The following TRAK1 variants were observed in gnomAD, a reference collection of about 807,000 sequenced individuals.
The protein encoded by TRAK1 is trafficking kinesin-binding protein 1.
Under a neutral mutation model 92.1 loss-of-function variants are expected in TRAK1, and 33 were observed. That is an observed-to-expected ratio of 0.36 (90% CI 0.27 to 0.48). The LOEUF is 0.48. Ranked by LOEUF, TRAK1 falls within the 20% of genes least tolerant of loss-of-function variation. TRAK1 has a pLI of 0.99. For missense variants in TRAK1, 1,123 were observed against 1,257.9 expected (o/e 0.89, Z 1.62); for synonymous variants, 521 against 517.3 (o/e 1.01, Z -0.10).
At chr3:42,088,696 C>T (rs1248736457), upstream of TRAK1, among the ~76,000 whole-genome samples, 1 of 152,188 alleles carries the variant, frequency 6.6e-6, no homozygotes, top group Non-Finnish European at 1.5e-5. Flanking sequence ...CTGTCCTCTG[C>T]CTTCACCTTA....
At chr3:42,058,226 G>A (rs911365698) in intron 1 of TRAK1, among the ~76,000 whole-genome samples, 1 of 152,176 alleles carries the variant, frequency 6.6e-6, no homozygotes, top group Non-Finnish European at 1.5e-5. Flanking sequence ...GGAGATTGAC[G>A]AAGACAAGGT....
In TRAK1 at chr3:42,104,929, A is replaced by G. The variant is rs1198201209; in HGVS notation, c.91+13369A>G. 2.0e-5 allele frequency among the ~76,000 whole-genome samples: 3 copies of G among 150,636 alleles called. No homozygotes were observed. The Admixed American group carries it at 2.0e-4, about 10-fold the overall frequency. Reference sequence around the variant, plus strand: ...AAGCTAAAGGAGGATGTTCAAACCCATTGCAAAGAAGCTAAAAATCTTTTT... The same window carrying G: ...AAGCTAAAGGAGGATGTTCAAACCCGTTGCAAAGAAGCTAAAAATCTTTTT... On this transcript the variant is annotated intron_variant, in intron 1 of 15. Transcript: ENST00000327628.
chr3:42,104,032 G>A (rs1707178297), intron 1 of TRAK1, among the ~76,000 whole-genome samples: 2 of 152,220 alleles, frequency 1.3e-5, no homozygotes, highest in South Asian at 4.1e-4. Flanking sequence ...TCCTGCGCCT[G>A]GCTTGGAGGG....
chr3:42,186,990 T>C (rs1458570874), intron 4 of TRAK1, among the ~76,000 whole-genome samples: 1 of 152,218 alleles, frequency 6.6e-6, no homozygotes, highest in Admixed American at 6.5e-5. Flanking sequence ...ATAGCACTGG[T>C]TCCCTATTCT....
At chr3:42,222,718 G>A (rs1710479499) in intron 15 of TRAK1, among the ~76,000 whole-genome samples, 1 of 152,110 alleles carries the variant, frequency 6.6e-6, no homozygotes, top group Non-Finnish European at 1.5e-5. Context: ...ACCAGGGATG[G>A]GCAAAGGGGA....
At chr3:42,041,823 C>T (rs35688851) in intron 1 of TRAK1, among the ~76,000 whole-genome samples, 1 of 147,104 alleles carries the variant, frequency 6.8e-6, no homozygotes, top group Non-Finnish European at 1.5e-5. Flanking sequence ...GAGACGGAGT[C>T]TCGCTCTGCC....
rs561214634 is a variant in TRAK1 at position 42,219,635 on chromosome 3, G to T, written c.2066+39G>T. ...GCTTTGGGGTGGGCAGGGGTGGGGT[G>T]AAGTCAGGGCACTCCCTTCCCTGCA... On this transcript the variant is annotated intron_variant, in intron 15 of 15. Coordinates refer to ENST00000327628, the MANE Select transcript of TRAK1 (RefSeq NM_001042646.3). 1.3e-5 allele frequency: 20 copies of T among 1,598,064 alleles called. No homozygotes were observed. In the African/African-American group the frequency reaches 2.7e-4, roughly 22 times the overall value.
chr3:42,125,218 G>A (rs185846433), intron 1 of TRAK1, among the ~76,000 whole-genome samples: 5 of 152,354 alleles, frequency 3.3e-5, no homozygotes, highest in African/African-American at 1.2e-4. Context: ...CATTTGGGTA[G>A]GTCTTGGCCG....
intron 2 of TRAK1, among the ~76,000 whole-genome samples, chr3:42,159,388 G>A (rs184413463): frequency 2.6e-5 from 4 of 152,268 alleles, no homozygotes; most frequent in Middle Eastern, 3.4e-3. Context: ...TCTCCGAGAC[G>A]CTAGCACCCG....
At chr3:42,058,092 A>G (rs928523588) in intron 1 of TRAK1, among the ~76,000 whole-genome samples, 6 of 152,114 alleles carry the variant, frequency 3.9e-5, no homozygotes, top group African/African-American at 1.4e-4. Context: ...TGCTTCTCTT[A>G]CTGCTCTGCC....
chr3:42,217,451 C>A, intron 14 of TRAK1: 1 of 985,362 alleles, frequency 1.0e-6, no homozygotes, highest in African/African-American at 1.7e-5. Flanking sequence ...ATCCCCAAAA[C>A]CCATTTGTAT....
intron 1 of TRAK1, among the ~76,000 whole-genome samples, chr3:42,021,771 T>G (rs1227404624): frequency 6.6e-6 from 1 of 152,114 alleles, no homozygotes; most frequent in East Asian, 1.9e-4. Flanking sequence ...GAGACGGGTT[T>G]TACTGTGTTG....
At chr3:42,196,064 A>T (rs868671759) in intron 10 of TRAK1, among the ~76,000 whole-genome samples, 6 of 152,324 alleles carry the variant, frequency 3.9e-5, no homozygotes, top group South Asian at 2.1e-4. Context: ...TGTGTGAGAA[A>T]AGTCGAATTG....
At chr3:42,165,402 AC>A (rs769670391) in intron 2 of TRAK1, among the ~76,000 whole-genome samples, 1 of 152,198 alleles carries the variant, frequency 6.6e-6, no homozygotes, top group Non-Finnish European at 1.5e-5. Flanking sequence ...CAGTGGCTGC[AC>A]CTGCTGGCTG....
chr3:42,069,320 C>CAAAAAAAA (rs67809792), intron 1 of TRAK1, among the ~76,000 whole-genome samples: 34 of 137,290 alleles, frequency 2.5e-4, no homozygotes, highest in African/African-American at 8.4e-4. Context: ...GACCCTGTCT[C>CAAAAAAAA]AAAAAAAAAA....
At chr3:42,187,616 T>G (rs1384008604) in intron 4 of TRAK1, among the ~76,000 whole-genome samples, 1 of 152,056 alleles carries the variant, frequency 6.6e-6, no homozygotes, top group Non-Finnish European at 1.5e-5. Context: ...TACAGGCACA[T>G]GCCACCACTC....
At chr3:42,141,125 GTTCA>G (rs1698598825) in intron 2 of TRAK1, among the ~76,000 whole-genome samples, 1 of 152,060 alleles carries the variant, frequency 6.6e-6, no homozygotes, top group South Asian at 2.1e-4. Flanking sequence ...AATTGTTAGT[GTTCA>G]TTCATCTTTT....
chr3:42,061,438 G>C (rs1703440743), intron 1 of TRAK1, among the ~76,000 whole-genome samples: 1 of 151,290 alleles, frequency 6.6e-6, no homozygotes, highest in African/African-American at 2.4e-5. Context: ...ACACCTCCTG[G>C]ATACAGAGTG....
intron 1 of TRAK1, among the ~76,000 whole-genome samples, chr3:42,018,190 C>T (rs552922819): frequency 3.3e-5 from 5 of 151,558 alleles, no homozygotes; most frequent in African/African-American, 4.8e-5. Flanking sequence ...ATCTCTTGAG[C>T]CCAAGAGATT....
Sources: gnomAD v4.1 joint callset for allele counts (sites outside exome capture counted in the v4.1 genomes callset) on GRCh38, gnomAD v4.1.1 for gene constraint, MANE v1.5 for transcripts, NCBI Gene and HGNC (gene_info 2026-07-23, HGNC 2026-07-21) for gene names.